The following PASD1 variants were observed in gnomAD, a reference collection of about 807,000 sequenced individuals.
The protein encoded by PASD1 is PAS domain containing repressor 1.
PASD1 carries 13 observed loss-of-function variants against 58.8 expected under a neutral mutation model. The observed-to-expected ratio is 0.22, with a 90% CI of 0.14 to 0.35. The LOEUF (loss-of-function observed/expected upper bound fraction) is 0.35. Among genes scored for constraint, PASD1 ranks in the 10% least tolerant of loss-of-function variants. PASD1 has a pLI of 1.00. For missense variants in PASD1, 734 were observed against 568.3 expected (o/e 1.29, Z -2.96); for synonymous variants, 236 against 216.7 (o/e 1.09, Z -0.78).
chrX:151,646,302 C>T (rs1202571174), intron 8 of PASD1, among the ~76,000 whole-genome samples: 1 of 111,975 alleles, frequency 8.9e-6, no homozygotes, highest in African/African-American at 3.2e-5. Context: ...ATATTTAAGT[C>T]GGTGGATTTG....
At chrX:151,662,151 T>A (rs2014320076) in intron 10 of PASD1, among the ~76,000 whole-genome samples, 1 of 112,586 alleles carries the variant, frequency 8.9e-6, no homozygotes, top group Non-Finnish European at 1.9e-5. Flanking sequence ...TCCCTCGTTT[T>A]TTGTATATTT....
intron 4 of PASD1, among the ~76,000 whole-genome samples, chrX:151,620,613 T>C (rs2013693422): frequency 9.0e-6 from 1 of 111,271 alleles, no homozygotes; most frequent in Non-Finnish European, 1.9e-5. Flanking sequence ...TGGGTTTTTC[T>C]TCATTTACAT....
chrX:151,632,643 C>G (rs2013882812), intron 8 of PASD1, among the ~76,000 whole-genome samples: 1 of 111,968 alleles, frequency 8.9e-6, no homozygotes, highest in Non-Finnish European at 1.9e-5. Flanking sequence ...GCTATTTCTA[C>G]TAATTCTACT....
chrX:151,639,999 A>G (rs747966415), intron 8 of PASD1, among the ~76,000 whole-genome samples: 1 of 111,805 alleles, frequency 8.9e-6, no homozygotes, highest in African/African-American at 3.2e-5. Context: ...TTCTTTTAAC[A>G]TATGCTGGGA....
chrX:151,577,683 C>T (rs773961074), intron 1 of PASD1, among the ~76,000 whole-genome samples: 1 of 111,537 alleles, frequency 9.0e-6, no homozygotes, highest in South Asian at 3.8e-4. Context: ...CGCCACCACG[C>T]CCAGCAAATT....
intron 1 of PASD1, among the ~76,000 whole-genome samples, chrX:151,579,357 A>G (rs1486463659): frequency 8.9e-6 from 1 of 112,173 alleles, no homozygotes; most frequent in East Asian, 2.8e-4. Flanking sequence ...AGATTTTAAT[A>G]AACTCAAGTG....
chrX:151,672,795 T>A, intron 14 of PASD1, 134 bp downstream of exon 14: 1 of 1,030,051 alleles, frequency 9.7e-7, no homozygotes, highest in East Asian at 3.3e-5. Flanking sequence ...AGCAACTTGC[T>A]CTCAACTTGC....
At chrX:151,585,272 T>C (rs2013149258) in intron 1 of PASD1, among the ~76,000 whole-genome samples, 2 of 112,266 alleles carry the variant, frequency 1.8e-5, no homozygotes, top group Non-Finnish European at 3.8e-5. Context: ...GATCTTGGGC[T>C]ACCTTTCTGT....
intron 1 of PASD1, 67 bp from the exon 2 acceptor site, chrX:151,601,459 CT>C: frequency 1.2e-6 from 1 of 843,561 alleles, no homozygotes; most frequent in East Asian, 3.2e-5. Flanking sequence ...TTTGATTAGT[CT>C]TATTGCTTTA....
intron 1 of PASD1, among the ~76,000 whole-genome samples, chrX:151,594,219 C>G (rs758500785): frequency 2.7e-5 from 3 of 111,306 alleles, no homozygotes; most frequent in Admixed American, 9.5e-5. Flanking sequence ...GTGATCCACC[C>G]ACCTCAGCCT....
At chrX:151,586,451 A>T (rs1286946096) in intron 1 of PASD1, among the ~76,000 whole-genome samples, 1 of 111,977 alleles carries the variant, frequency 8.9e-6, no homozygotes, top group Non-Finnish European at 1.9e-5. Context: ...CTAGCTATGT[A>T]ACTTCAGACA....
chrX:151,670,967 T>C, intron 11 of PASD1, 71 bp from the exon 12 acceptor site: 1 of 1,069,691 alleles, frequency 9.3e-7, no homozygotes, highest in East Asian at 3.2e-5. Context: ...AATTTTGAAG[T>C]GAAACAGGAT....
Position 151,672,267 on chromosome X carries a change from A to G in PASD1, c.1522A>G (p.Lys508Glu), listed in dbSNP as rs2014485064. 1 of 1,167,232 alleles carries G rather than the reference A, an allele frequency of 8.6e-7. No individual in the cohort carries two copies. The highest frequency in any genetic ancestry group is 1.1e-6 in the Non-Finnish European group (1 of 872,892). Residue 508 changes from lysine to glutamate, a missense_variant, in exon 14 of 16, where the codon AAG (lysine) becomes GAG (glutamate). Lys to Glu is a moderately conservative substitution (Grantham distance 56). Coordinates refer to ENST00000370357, the MANE Select transcript of PASD1 (RefSeq NM_173493.3). ...GCTGCAACAGCTGAGAGAGCAAAGG[A>G]AGGTGCAGAAGCAGAAGAAGATGCA... ...EQLQQLREQR[K>E]VQKQKKMQEK... is the part of the protein sequence containing the mutation.
At chrX:151,633,051 C>G (rs1462999538) in intron 8 of PASD1, among the ~76,000 whole-genome samples, 3 of 111,880 alleles carry the variant, frequency 2.7e-5, no homozygotes, top group African/African-American at 9.7e-5. Flanking sequence ...AGCAGACAGT[C>G]ATGATCTGAA....
intron 8 of PASD1, among the ~76,000 whole-genome samples, chrX:151,632,216 G>T (rs1353983803): frequency 9.0e-6 from 1 of 110,868 alleles, no homozygotes; most frequent in Non-Finnish European, 1.9e-5. Context: ...GGTTAAAAAT[G>T]GAGTAATATT....
chrX:151,616,430 T>C (rs1410427017), intron 4 of PASD1, among the ~76,000 whole-genome samples: 4 of 110,793 alleles, frequency 3.6e-5, no homozygotes, highest in African/African-American at 9.8e-5. Context: ...ATGCCCATTA[T>C]CATCATGATC....
intron 8 of PASD1, among the ~76,000 whole-genome samples, chrX:151,641,845 C>T (rs967423884): frequency 6.3e-5 from 7 of 111,365 alleles, no homozygotes; most frequent in African/African-American, 1.6e-4. Context: ...CACACACGCG[C>T]GCGCGCGTAT....
intron 1 of PASD1, among the ~76,000 whole-genome samples, chrX:151,600,288 C>T (rs1035893804): frequency 9.8e-6 from 1 of 101,811 alleles, no homozygotes; most frequent in East Asian, 3.1e-4. Context: ...AGAGGGAGAC[C>T]GTGCAAAGAG....
At position 151,664,132 on chromosome X, in the gene PASD1, A is replaced by C. The variant is rs762629145; in HGVS notation, c.855A>C (p.Gln285His). 5 of 1,210,684 alleles carry C rather than the reference A, an allele frequency of 4.1e-6. No homozygotes were observed. The highest frequency in any genetic ancestry group is 5.6e-6 in the Non-Finnish European group (5 of 895,358). Residue 285 changes from glutamine (Q) to histidine (H), a missense_variant, in exon 11 of 16, where the codon CAA (glutamine) becomes CAC (histidine). Coordinates refer to ENST00000370357, the MANE Select transcript of PASD1 (RefSeq NM_173493.3). ...TTTCTTCCTCAGCCTTATCCTTGCAAGACTTTCGAGGTGAGCCTGAGGTGA... is the reference window on the plus strand; with the variant it reads ...TTTCTTCCTCAGCCTTATCCTTGCACGACTTTCGAGGTGAGCCTGAGGTGA... ...TMPESPALSLQDFRGEPEVNP... is the reference protein window; with the variant it reads ...TMPESPALSLHDFRGEPEVNP...
Sources: gnomAD v4.1 joint callset for allele counts (sites outside exome capture counted in the v4.1 genomes callset) on GRCh38, gnomAD v4.1.1 for gene constraint, MANE v1.5 for transcripts, NCBI Gene and HGNC (gene_info 2026-07-23, HGNC 2026-07-21) for gene names.